Variants in PDE1A observed in about 807,000 individuals in gnomAD.
PDE1A encodes phosphodiesterase 1A.
Under a neutral mutation model 61.7 loss-of-function variants are expected in PDE1A, and 35 were observed. That is an observed-to-expected ratio of 0.57 (90% CI 0.43 to 0.75). PDE1A has a LOEUF of 0.75. Ranked by LOEUF, PDE1A falls within the 30% of genes least tolerant of loss-of-function variation. The pLI, the probability that PDE1A is intolerant of heterozygous loss-of-function variation, is 0.00. For synonymous variants in PDE1A, 232 were observed against 213.2 expected (o/e 1.09, Z -0.77); for missense variants, 597 against 630.6 (o/e 0.95, Z 0.57).
chr2:182,488,827 G>C (rs1313639569), intron 2 of PDE1A, among the ~76,000 whole-genome samples: 1 of 152,178 alleles, frequency 6.6e-6, no homozygotes, highest in Non-Finnish European at 1.5e-5. Context: ...CAATTTGAAT[G>C]TATAGATGCT....
At chr2:182,378,128 G>A (rs941662862) in intron 1 of PDE1A, among the ~76,000 whole-genome samples, 1 of 152,208 alleles carries the variant, frequency 6.6e-6, no homozygotes, top group Non-Finnish European at 1.5e-5. Flanking sequence ...TTACAGGCGT[G>A]AGCCACCGTG....
the PDE1A span, among the ~76,000 whole-genome samples, chr2:182,678,586 A>T: frequency 2.0e-5 from 3 of 152,232 alleles, no homozygotes; most frequent in African/African-American, 7.2e-5. Flanking sequence ...ACAAACAATA[A>T]GATTTCAGGT....
chr2:182,410,245 C>T (rs1182606446), intron 1 of PDE1A, among the ~76,000 whole-genome samples: 2 of 151,952 alleles, frequency 1.3e-5, no homozygotes, highest in Non-Finnish European at 2.9e-5. Flanking sequence ...TGCACACCTG[C>T]AGTCCCAGCT....
chr2:182,293,717 T>C (rs984589848), intron 1 of PDE1A, among the ~76,000 whole-genome samples: 27 of 152,148 alleles, frequency 1.8e-4, no homozygotes, highest in African/African-American at 6.3e-4. Context: ...CAATAACTAA[T>C]AATAAAATAG....
At chr2:182,609,872 G>A in the PDE1A span, among the ~76,000 whole-genome samples, 1 of 152,176 alleles carries the variant, frequency 6.6e-6, no homozygotes, top group East Asian at 1.9e-4. Flanking sequence ...TGGATCATCT[G>A]TGGTCAGGAG....
At chr2:182,490,750 A>G (rs1688331652) in intron 2 of PDE1A, among the ~76,000 whole-genome samples, 1 of 152,222 alleles carries the variant, frequency 6.6e-6, no homozygotes, top group Non-Finnish European at 1.5e-5. Context: ...GAGAGGGAAA[A>G]TAATGCAAGC....
chr2:182,551,426 T>C, the PDE1A span, among the ~76,000 whole-genome samples: 5 of 151,824 alleles, frequency 3.3e-5, no homozygotes, highest in Non-Finnish European at 5.9e-5. Flanking sequence ...ATAACAGTAA[T>C]AGAGAAAAGC....
At chr2:182,288,173 G>C (rs1364385672) in intron 1 of PDE1A, among the ~76,000 whole-genome samples, 3 of 152,110 alleles carry the variant, frequency 2.0e-5, no homozygotes, top group African/African-American at 7.2e-5. Context: ...AATGTTTGTA[G>C]TAATAAAATC....
At chr2:182,422,053 G>C (rs78264905) in intron 1 of PDE1A, among the ~76,000 whole-genome samples, 65 of 152,296 alleles carry the variant, frequency 4.3e-4, no homozygotes, top group African/African-American at 1.3e-3. Context: ...AGCGTGATCT[G>C]AATGCTGTGA....
At chr2:182,260,486 A>G (rs1692145524) in intron 2 of PDE1A, among the ~76,000 whole-genome samples, 1 of 152,210 alleles carries the variant, frequency 6.6e-6, no homozygotes, top group African/African-American at 2.4e-5. Flanking sequence ...ATAGAAAATC[A>G]ACCACATAAA....
intron 2 of PDE1A, among the ~76,000 whole-genome samples, chr2:182,244,826 C>T (rs1690830535): frequency 6.6e-6 from 1 of 152,284 alleles, no homozygotes; most frequent in East Asian, 1.9e-4. Context: ...AGAATGTGTA[C>T]AGCAGAAAAG....
chr2:182,354,240 A>G (rs554865225), intron 1 of PDE1A, among the ~76,000 whole-genome samples: 87 of 152,274 alleles, frequency 5.7e-4, no homozygotes, highest in Non-Finnish European at 1.0e-3. Flanking sequence ...CATAATTCTC[A>G]TCAGAAACAA....
chr2:182,661,962 A>C, the PDE1A span, among the ~76,000 whole-genome samples: 1 of 152,070 alleles, frequency 6.6e-6, no homozygotes, highest in African/African-American at 2.4e-5. Context: ...CTAAAAATCC[A>C]AAGAAAATTT....
chr2:182,232,814 G>A (rs1257767553), intron 4 of PDE1A, among the ~76,000 whole-genome samples: 4 of 152,296 alleles, frequency 2.6e-5, no homozygotes, highest in African/African-American at 7.2e-5. Flanking sequence ...TATATTTACA[G>A]TTCCAACTTG....
the PDE1A span, among the ~76,000 whole-genome samples, chr2:182,576,316 T>A: frequency 6.6e-6 from 1 of 152,174 alleles, no homozygotes; most frequent in Non-Finnish European, 1.5e-5. Flanking sequence ...AATGGCACCA[T>A]ATTTGTCTTT....
chr2:182,516,068 T>G (rs1690130922), intron 2 of PDE1A, among the ~76,000 whole-genome samples: 1 of 151,942 alleles, frequency 6.6e-6, no homozygotes, highest in Admixed American at 6.6e-5. Flanking sequence ...TATTAGATTT[T>G]TATTGCTACT....
intron 11 of PDE1A, among the ~76,000 whole-genome samples, chr2:182,187,726 CTTTTTTTGTTCT>C (rs1685332153): frequency 8.6e-6 from 1 of 115,968 alleles, no homozygotes; most frequent in East Asian, 2.4e-4. Flanking sequence ...GTTCTATGTT[CTTTTTTTGTTCT>C]TTTTTTTTTT....
chr2:182,640,282 C>A, the PDE1A span, among the ~76,000 whole-genome samples: 1 of 152,086 alleles, frequency 6.6e-6, no homozygotes, highest in South Asian at 2.1e-4. Context: ...AGCAAAGAGA[C>A]CATAAATGAG....
intron 13 of PDE1A, among the ~76,000 whole-genome samples, chr2:182,153,643 G>A (rs1690911941): frequency 6.6e-6 from 1 of 152,182 alleles, no homozygotes; most frequent in South Asian, 2.1e-4. Context: ...AGTTGGGGGT[G>A]GCAATGGAGA....
Sources: gnomAD v4.1 joint callset for allele counts (sites outside exome capture counted in the v4.1 genomes callset) on GRCh38, gnomAD v4.1.1 for gene constraint, MANE v1.5 for transcripts, NCBI Gene and HGNC (gene_info 2026-07-23, HGNC 2026-07-21) for gene names.